The following RYR3 variants were observed in gnomAD, a reference collection of about 807,000 sequenced individuals.
RYR3 encodes the protein brain ryanodine receptor-calcium release channel.
In RYR3, 207 loss-of-function variants were observed where a neutral mutation model predicts 584.3. The observed-to-expected ratio is 0.35, with a 90% CI of 0.32 to 0.40. The LOEUF (loss-of-function observed/expected upper bound fraction) is 0.40. RYR3 is among the 10% of genes least tolerant of loss of function. The probability of loss-of-function intolerance (pLI) is 1.00; values close to 1 mark genes in which losing one functional copy is unlikely to be tolerated. For synonymous variants in RYR3, 2,416 were observed against 2,248.5 expected, an observed-to-expected ratio of 1.07 and a Z score of -2.11; for missense variants, 5,616 against 6,089.2, an observed-to-expected ratio of 0.92 and a Z score of 2.59.
At position 33,726,395 on chromosome 15, in the gene RYR3, A is replaced by G. The variant is rs369168320; in HGVS notation, c.6922A>G (p.Thr2308Ala). 94 of 1,613,016 alleles carry G rather than the reference A, an allele frequency of 5.8e-5. No individual in the cohort carries two copies. Among genetic ancestry groups the G allele is most frequent in the Non-Finnish European group, 7.9e-5 (93 of 1,179,618 alleles). The change falls in exon 46 of 104, where the codon ACA becomes GCA. Residue 2308 changes from threonine to alanine, a missense_variant. Physicochemically the swap from Thr to Ala is moderately conservative, Grantham distance 58 (BLOSUM62 0). Around this residue, in one of 9 missense-constraint regions of RYR3, gnomAD observed 1,280 missense variants for 1,426.2 expected, o/e 0.90. Transcript: ENST00000634891. ...RCAPEMHLIQ[T>A]GKGEAIRIRS... Reference sequence around the variant, plus strand: ...CAACCCTATCTTCCAGCTCATCCAGACAGGAAAGGGGGAAGCCATCCGCAT... The same window carrying G: ...CAACCCTATCTTCCAGCTCATCCAGGCAGGAAAGGGGGAAGCCATCCGCAT...
intron 19 of RYR3, among the ~76,000 whole-genome samples, chr15:33,618,771 T>C (rs2060575735): frequency 6.6e-6 from 1 of 152,206 alleles, no homozygotes; most frequent in Admixed American, 6.5e-5. Flanking sequence ...CTCTGAATAA[T>C]AATATGATAG....
At chr15:33,397,789 C>T (rs1028708286) in intron 1 of RYR3, among the ~76,000 whole-genome samples, 5 of 152,096 alleles carry the variant, frequency 3.3e-5, no homozygotes, top group African/African-American at 9.7e-5. Flanking sequence ...ATCTTATTGC[C>T]ACTGAGAGGC....
chr15:33,857,962 C>T, intron 99 of RYR3, 48 bp downstream of exon 99: 2 of 1,605,924 alleles, frequency 1.2e-6, no homozygotes, highest in Non-Finnish European at 1.7e-6. Context: ...GCGGGGCCAC[C>T]CCGCCCCACC....
chr15:33,394,441 C>T (rs939453507), intron 1 of RYR3, among the ~76,000 whole-genome samples: 3 of 152,334 alleles, frequency 2.0e-5, no homozygotes, highest in Non-Finnish European at 4.4e-5. Flanking sequence ...TATGTTCCAA[C>T]TTTCCATGTG....
intron 31 of RYR3, among the ~76,000 whole-genome samples, chr15:33,649,756 C>T (rs557571404): frequency 2.6e-5 from 4 of 152,276 alleles, no homozygotes; most frequent in East Asian, 1.9e-4. Context: ...AGGGCAAGCG[C>T]GTTCTAGGCA....
In RYR3 at chr15:33,854,791, C is replaced by G. The variant is rs2079475326; in HGVS notation, c.13886C>G (p.Thr4629Arg). The G allele has an allele frequency of 3.1e-6, 5 of 1,612,232 alleles. No individual in the cohort carries two copies. The highest frequency in any genetic ancestry group is 2.7e-5 in the African/African-American group (2 of 74,842). Residue 4629 changes from threonine (T) to arginine (R), a missense_variant, in exon 98 of 104, where the codon ACA becomes AGA. Transcript: ENST00000634891. ...DNSFLYLAWYTTMSVLGHYNN... is the reference protein window; with the variant it reads ...DNSFLYLAWYRTMSVLGHYNN... ...TCCTTTCTCTACCTTGCCTGGTATA[C>G]AACCATGTCAGTCCTGGGCCACTAC...
intron 21 of RYR3, among the ~76,000 whole-genome samples, chr15:33,628,975 A>G (rs1404122861): frequency 6.6e-6 from 1 of 152,214 alleles, no homozygotes; most frequent in Non-Finnish European, 1.5e-5. Context: ...TTCAGAGAGA[A>G]TGTAAATTGA....
intron 48 of RYR3, among the ~76,000 whole-genome samples, chr15:33,735,077 A>G (rs2069324918): frequency 6.6e-6 from 1 of 152,096 alleles, no homozygotes; most frequent in Admixed American, 6.6e-5. Flanking sequence ...TGATCACTTG[A>G]GCTCTAGATG....
chr15:33,624,940 T>C (rs2060909199), intron 20 of RYR3, among the ~76,000 whole-genome samples: 1 of 152,238 alleles, frequency 6.6e-6, no homozygotes, highest in Admixed American at 6.5e-5. Context: ...ATTACATTCA[T>C]CCATGTGTAT....
chr15:33,616,218 G>A (rs2060442227), intron 19 of RYR3, among the ~76,000 whole-genome samples: 1 of 152,224 alleles, frequency 6.6e-6, no homozygotes. Flanking sequence ...ATCTTCTCCA[G>A]TCTACTAGCT....
chr15:33,573,294 A>G (rs1319599095), intron 12 of RYR3, among the ~76,000 whole-genome samples: 1 of 152,348 alleles, frequency 6.6e-6, no homozygotes, highest in African/African-American at 2.4e-5. Context: ...GGAGAAAAAA[A>G]CATTTTGAAG....
In RYR3 at chr15:33,838,915, C is replaced by T. The variant is rs1432799543; in HGVS notation, c.12935C>T (p.Pro4312Leu). 1 of 1,613,734 alleles carries T rather than the reference C, an allele frequency of 6.2e-7. No individual in the cohort carries two copies. The highest frequency in any genetic ancestry group is 8.5e-7 in the Non-Finnish European group (1 of 1,179,782). The change falls in exon 89 of 104, where the codon CCC becomes CTC. Residue 4312 changes from proline to leucine, a missense_variant. Pro to Leu is a moderately conservative substitution (Grantham distance 98, BLOSUM62 -3). This residue lies in a region of RYR3 where 918 missense variants were observed against 887.4 expected (regional missense o/e 1.03). Coordinates refer to ENST00000634891, the MANE Select transcript of RYR3 (RefSeq NM_001036.6). ...TCAGAAATTATTGGCAAGGATGAAC[C>T]CCCTACATTAGAGAGTACTGTACAG... Reference protein sequence around the residue: ...DLSEIIGKDEPPTLESTVQKK... With the variant: ...DLSEIIGKDELPTLESTVQKK...
chr15:33,346,586 G>C (rs1972488730), intron 1 of RYR3, among the ~76,000 whole-genome samples: 1 of 152,178 alleles, frequency 6.6e-6, no homozygotes, highest in African/African-American at 2.4e-5. Flanking sequence ...GTAAGAACTG[G>C]TATTCTGTAT....
chr15:33,813,810 T>G, intron 74 of RYR3: 1 of 422,168 alleles, frequency 2.4e-6, no homozygotes, highest in East Asian at 3.8e-5. Flanking sequence ...GCTCACCATT[T>G]GTACCCTAAA....
chr15:33,726,028 G>A (rs986019421), intron 45 of RYR3, among the ~76,000 whole-genome samples: 14 of 136,956 alleles, frequency 1.0e-4, no homozygotes, highest in Non-Finnish European at 1.8e-4. Context: ...TTGTGGCCAC[G>A]CTGTCAACAC....
intron 16 of RYR3, among the ~76,000 whole-genome samples, chr15:33,592,333 A>G (rs2059170930): frequency 6.6e-6 from 1 of 152,208 alleles, no homozygotes; most frequent in African/African-American, 2.4e-5. Flanking sequence ...GCTCTGATTC[A>G]GTAATTTCGG....
At chr15:33,810,939 G>C (rs1357797980) in intron 71 of RYR3, 39 bp from the exon 72 acceptor site, 1 of 1,553,738 alleles carries the variant, frequency 6.4e-7, no homozygotes, top group Admixed American at 1.8e-5. Context: ...CAGTTCCATG[G>C]TGATCTCCGG....
Position 33,722,815 on chromosome 15 carries a change from C to T in RYR3, c.6720C>T (p.Leu2240=). ...PALRGEGGNG[L]LAAMQGAIKI... ...TGCGGGGTGAGGGGGGAAACGGGCT[C>T]TTGGCAGCCATGCAGGGTGCCATTA... is the stretch of plus-strand genomic sequence containing the variant. The change falls in exon 44 of 104, where the codon CTC becomes CTT. Residue 2240 remains leucine, a synonymous_variant. Coordinates refer to ENST00000634891, the MANE Select transcript of RYR3 (RefSeq NM_001036.6). 1.9e-6 allele frequency: 3 copies of T among 1,613,306 alleles called. No individual in the cohort carries two copies. Among genetic ancestry groups the T allele is most frequent in the Non-Finnish European group, 2.5e-6 (3 of 1,179,590 alleles).
chr15:33,560,813 T>G (rs2057359127), intron 10 of RYR3, among the ~76,000 whole-genome samples: 1 of 152,206 alleles, frequency 6.6e-6, no homozygotes, highest in South Asian at 2.1e-4. Context: ...ATTTTCCTAT[T>G]AGCTAATGTT....
Sources: allele counts gnomAD v4.1 joint callset (sites outside exome capture counted in the v4.1 genomes callset), GRCh38; gene constraint gnomAD v4.1.1; regional missense constraint gnomAD v4.1.1; transcripts MANE v1.5; gene names NCBI Gene and HGNC (gene_info 2026-07-23, HGNC 2026-07-21).